Variants in EYA2 observed in about 807,000 individuals in gnomAD.
The protein encoded by EYA2 is EYA transcriptional coactivator and phosphatase 2.
A neutral mutation model predicts 69.2 loss-of-function variants in EYA2; 31 were observed. The observed-to-expected ratio is 0.45, with a 90% confidence interval of 0.34 to 0.60. The LOEUF is 0.60. EYA2 is among the 20% of genes least tolerant of loss of function. EYA2 has a pLI of 0.02. For missense variants in EYA2, 622 were observed against 701.2 expected (o/e 0.89, Z 1.28); for synonymous variants, 257 against 279.4 (o/e 0.92, Z 0.80).
At chr20:46,920,225 T>C (rs1198534914) in intron 1 of EYA2, among the ~76,000 whole-genome samples, 4 of 57,888 alleles carry the variant, frequency 6.9e-5, no homozygotes, top group Non-Finnish European at 1.8e-4. Flanking sequence ...CACAAAACTT[T>C]AATTTGTTTA....
chr20:47,058,337 G>A (rs922926490), intron 5 of EYA2, among the ~76,000 whole-genome samples: 10 of 152,200 alleles, frequency 6.6e-5, no homozygotes, highest in African/African-American at 9.7e-5. Flanking sequence ...ACCTATGGAC[G>A]GGGCACCCAG....
At chr20:47,108,862 C>T (rs1406519306) in intron 9 of EYA2, among the ~76,000 whole-genome samples, 1 of 152,008 alleles carries the variant, frequency 6.6e-6, no homozygotes, top group African/African-American at 2.4e-5. Context: ...GCCTGAGCTC[C>T]ATTCTTAAGG....
chr20:47,144,083 C>A (rs187571530), intron 10 of EYA2, among the ~76,000 whole-genome samples: 102 of 152,280 alleles, frequency 6.7e-4, no homozygotes, highest in Middle Eastern at 6.8e-3. Flanking sequence ...ACCGGCCGGG[C>A]GCGGTGGCTC....
intron 9 of EYA2, among the ~76,000 whole-genome samples, chr20:47,104,512 A>C (rs888744790): frequency 6.6e-6 from 1 of 152,194 alleles, no homozygotes; most frequent in African/African-American, 2.4e-5. Context: ...TGCCTAACCT[A>C]GGTCACAGAG....
chr20:47,007,403 A>G (rs978728531), intron 4 of EYA2, among the ~76,000 whole-genome samples: 1 of 152,202 alleles, frequency 6.6e-6, no homozygotes, highest in Non-Finnish European at 1.5e-5. Context: ...ATCCAGGCAG[A>G]GGGGCAGGCC....
intron 12 of EYA2, among the ~76,000 whole-genome samples, chr20:47,179,469 AGATG>A (rs2034493252): frequency 1.2e-5 from 1 of 82,116 alleles, no homozygotes; most frequent in Admixed American, 1.1e-4. Context: ...GATATTGGGC[AGATG>A]GATGGATGGG....
chr20:47,106,396 T>A (rs1296874950), intron 9 of EYA2, among the ~76,000 whole-genome samples: 1 of 152,222 alleles, frequency 6.6e-6, no homozygotes, highest in Admixed American at 6.5e-5. Context: ...CCACACAGCA[T>A]GCATGAAATA....
At chr20:47,068,990 T>C (rs536675246) in intron 5 of EYA2, among the ~76,000 whole-genome samples, 1 of 152,312 alleles carries the variant, frequency 6.6e-6, no homozygotes, top group Admixed American at 6.5e-5. Flanking sequence ...CTTCAGCAGA[T>C]GCAAACCATG....
intron 1 of EYA2, among the ~76,000 whole-genome samples, chr20:46,963,288 G>T (rs1979582427): frequency 1.3e-5 from 2 of 152,186 alleles, no homozygotes; most frequent in African/African-American, 4.8e-5. Flanking sequence ...TATCCCTCCT[G>T]CAGGCAAAAG....
chr20:46,902,856 A>G (rs906023815), intron 1 of EYA2, among the ~76,000 whole-genome samples: 15 of 152,220 alleles, frequency 9.9e-5, no homozygotes, highest in African/African-American at 1.4e-4. Context: ...GAACAGCCGT[A>G]CTACAAAGAC....
intron 13 of EYA2, 144 bp from the exon 14 acceptor site, chr20:47,180,671 T>C: frequency 2.1e-6 from 2 of 957,064 alleles, no homozygotes. Context: ...AGCCTGAGAA[T>C]CCTTGGGCCC....
intron 10 of EYA2, among the ~76,000 whole-genome samples, chr20:47,154,973 G>A (rs907926052): frequency 2.6e-5 from 4 of 151,540 alleles, no homozygotes; most frequent in African/African-American, 9.7e-5. Flanking sequence ...AGCCTCCCGA[G>A]TAGTTGGGAC....
At chr20:46,993,591 A>G (rs1043967517) in intron 2 of EYA2, among the ~76,000 whole-genome samples, 1 of 152,236 alleles carries the variant, frequency 6.6e-6, no homozygotes, top group Non-Finnish European at 1.5e-5. Context: ...TGTGCTTGGC[A>G]TGGTTTTAAG....
chr20:46,944,240 C>T (rs993371981), intron 1 of EYA2, among the ~76,000 whole-genome samples: 1 of 151,948 alleles, frequency 6.6e-6, no homozygotes, highest in East Asian at 1.9e-4. Flanking sequence ...CCAGTGCTCC[C>T]GTGCGCAGAT....
At chr20:47,152,360 T>G (rs942687056) in intron 10 of EYA2, among the ~76,000 whole-genome samples, 1 of 151,430 alleles carries the variant, frequency 6.6e-6, no homozygotes, top group African/African-American at 2.4e-5. Flanking sequence ...GTCATTTGTG[T>G]GTTGGGAGGA....
chr20:46,924,062 G>A (rs911437911), intron 1 of EYA2, among the ~76,000 whole-genome samples: 1 of 152,014 alleles, frequency 6.6e-6, no homozygotes, highest in African/African-American at 2.4e-5. Context: ...TTTCATGGGG[G>A]ATTCCTCATA....
At chr20:47,035,566 TC>T (rs1459888258) in intron 5 of EYA2, among the ~76,000 whole-genome samples, 2 of 152,126 alleles carry the variant, frequency 1.3e-5, no homozygotes, top group Non-Finnish European at 2.9e-5. Context: ...TGTTCTCCTC[TC>T]TCTAATGGCA....
At chr20:46,970,484 T>G (rs958835667) in intron 1 of EYA2, among the ~76,000 whole-genome samples, 17 of 152,138 alleles carry the variant, frequency 1.1e-4, no homozygotes, top group African/African-American at 4.1e-4. Context: ...CAGCCTGCAA[T>G]TCCCTGTACA....
chr20:46,971,928 A>G (rs1213274719), intron 1 of EYA2, among the ~76,000 whole-genome samples: 1 of 152,230 alleles, frequency 6.6e-6, no homozygotes, highest in Non-Finnish European at 1.5e-5. Context: ...AGGACACAGG[A>G]GTGACAAGAC....
Sources: allele counts gnomAD v4.1 joint callset (sites outside exome capture counted in the v4.1 genomes callset), GRCh38; gene constraint gnomAD v4.1.1; transcripts MANE v1.5; gene names NCBI Gene and HGNC (gene_info 2026-07-23, HGNC 2026-07-21).